RORA: variants seen among roughly 807,000 people sequenced by gnomAD.
The protein encoded by RORA is nuclear receptor ROR-alpha.
RORA carries 7 observed loss-of-function variants against 69.5 expected under a neutral mutation model. The ratio of observed to expected loss-of-function variants is 0.10; its 90% confidence interval spans 0.06 to 0.19. The LOEUF (loss-of-function observed/expected upper bound fraction) is 0.19, where lower values mean the gene tolerates loss of function less well. RORA is among the 10% of genes least tolerant of loss of function. RORA has a pLI of 1.00. For synonymous variants in RORA, 261 were observed against 240.8 expected (o/e 1.08, Z -0.78); for missense variants, 457 against 663.0 (o/e 0.69, Z 3.41).
chr15:60,878,848 T>C (rs954516266), intron 1 of RORA, among the ~76,000 whole-genome samples: 3 of 152,208 alleles, frequency 2.0e-5, no homozygotes, highest in Non-Finnish European at 4.4e-5. Context: ...TCCCTACAGG[T>C]ATCCAGAATT....
chr15:60,581,489 T>C (rs1456874385), intron 2 of RORA, among the ~76,000 whole-genome samples: 1 of 152,238 alleles, frequency 6.6e-6, no homozygotes, highest in Non-Finnish European at 1.5e-5. Flanking sequence ...CATAATCTTG[T>C]GTCTAGGGCA....
At chr15:61,187,137 A>G (rs2079751682) in intron 1 of RORA, among the ~76,000 whole-genome samples, 1 of 152,276 alleles carries the variant, frequency 6.6e-6, no homozygotes, top group South Asian at 2.1e-4. Context: ...GCCAGGTTTA[A>G]GAAGTCCAAC....
intron 1 of RORA, among the ~76,000 whole-genome samples, chr15:60,833,656 T>C (rs1263550835): frequency 6.6e-6 from 1 of 152,214 alleles, no homozygotes; most frequent in Non-Finnish European, 1.5e-5. Flanking sequence ...TACCATGATT[T>C]CATCCTTTTC....
In RORA at chr15:60,960,189, C is replaced by T. The variant is rs150347731; in HGVS notation, c.166+268864G>A. On this transcript the variant is annotated intron_variant, in intron 1 of 10. Coordinates refer to ENST00000335670, the MANE Select transcript of RORA (RefSeq NM_134261.3). ...GACTAGATTGATTTTGTGGTCCCTTCCCACTCCAAAATTACATGATGCCAT... is the reference window on the plus strand; with the variant it reads ...GACTAGATTGATTTTGTGGTCCCTTTCCACTCCAAAATTACATGATGCCAT... Among the ~76,000 whole-genome samples, 1,159 of 152,290 alleles carry T rather than the reference C, an allele frequency of 7.6e-3. 7 individuals are homozygous for T. Among genetic ancestry groups the T allele is most frequent in the Non-Finnish European group, 0.011 (726 of 68,018 alleles).
rs184932550 is a variant in RORA at position 61,128,541 on chromosome 15, A to G, written c.166+100512T>C. On this transcript the variant is annotated intron_variant, in intron 1 of 10. Transcript: ENST00000335670. This position sits in a 1 kb window ranked among gnomAD's most constrained non-coding sequence, Gnocchi z 4.5. Reference sequence around the variant, plus strand: ...GACCTATGACGCTGTTGATTACGTTAGATAACTCAGGGATACGGGGAGAGA... The same window carrying G: ...GACCTATGACGCTGTTGATTACGTTGGATAACTCAGGGATACGGGGAGAGA... Among the ~76,000 whole-genome samples, 1 of 152,314 alleles carries G rather than the reference A, an allele frequency of 6.6e-6. No individual in the cohort carries two copies. Among genetic ancestry groups the G allele is most frequent in the East Asian group, 1.9e-4 (1 of 5,188 alleles).
At chr15:60,637,216 GATT>G (rs2069857279) in intron 2 of RORA, among the ~76,000 whole-genome samples, 1 of 152,030 alleles carries the variant, frequency 6.6e-6, no homozygotes, top group African/African-American at 2.4e-5. Context: ...TGACTGAATT[GATT>G]AATGTCATTT....
intron 2 of RORA, among the ~76,000 whole-genome samples, chr15:60,614,707 C>A (rs1157170255): frequency 2.0e-5 from 3 of 152,136 alleles, no homozygotes; most frequent in African/African-American, 7.2e-5. Context: ...CTCTGCCACC[C>A]ACTAGCCATG....
chr15:60,797,464 A>G (rs1347849178), intron 1 of RORA, among the ~76,000 whole-genome samples: 1 of 152,188 alleles, frequency 6.6e-6, no homozygotes, highest in East Asian at 1.9e-4. Flanking sequence ...AGTCCCAAGA[A>G]GCCACAGGTC....
In RORA at chr15:61,128,426, C is replaced by T. The variant is rs2079161604; in HGVS notation, c.166+100627G>A. On this transcript the variant is annotated intron_variant, in intron 1 of 10. Coordinates refer to ENST00000335670, the MANE Select transcript of RORA (RefSeq NM_134261.3). The surrounding 1 kb of genome is among the most constrained non-coding windows in gnomAD (Gnocchi z 4.5). ...AATGATGCTGTAATTCCAGCAGGCT[C>T]CTGTTTGCAGTTAACCACTTACAGG... 6.6e-6 allele frequency among the ~76,000 whole-genome samples: 1 copy of T among 152,162 alleles called. No individual in the cohort carries two copies. Among genetic ancestry groups the T allele is most frequent in the African/African-American group, 2.4e-5 (1 of 41,424 alleles).
intron 5 of RORA, among the ~76,000 whole-genome samples, chr15:60,509,153 G>C (rs1440495020): frequency 6.6e-6 from 1 of 152,210 alleles, no homozygotes; most frequent in Non-Finnish European, 1.5e-5. Context: ...GGAAATTTAA[G>C]TAGCTTTGGA....
chr15:60,921,333 C>CACT (rs954338420), intron 1 of RORA, among the ~76,000 whole-genome samples: 5 of 152,166 alleles, frequency 3.3e-5, no homozygotes, highest in Non-Finnish European at 7.3e-5. Context: ...TACCGTGGAA[C>CACT]ACTACATAGC....
At chr15:60,848,002 T>G (rs940883382) in intron 1 of RORA, 3 of 152,362 alleles carry the variant, frequency 2.0e-5, no homozygotes, top group South Asian at 4.1e-4. Flanking sequence ...GCTCCTTCTC[T>G]GGCTCCCGCA....
At chr15:60,771,327 T>G (rs921451651) in intron 1 of RORA, among the ~76,000 whole-genome samples, 1 of 152,186 alleles carries the variant, frequency 6.6e-6, no homozygotes, top group African/African-American at 2.4e-5. Flanking sequence ...CTCTTGGTCT[T>G]TTTAGACCAG....
chr15:60,838,071 C>T (rs771604600), intron 1 of RORA, among the ~76,000 whole-genome samples: 9 of 152,130 alleles, frequency 5.9e-5, no homozygotes, highest in Non-Finnish European at 1.0e-4. Flanking sequence ...GCTTCCAAGT[C>T]CTTCTCTGAA....
intron 1 of RORA, among the ~76,000 whole-genome samples, chr15:61,106,614 A>G (rs566239417): frequency 2.5e-4 from 38 of 151,994 alleles, no homozygotes; most frequent in African/African-American, 8.2e-4. Flanking sequence ...CCCTCCTCCC[A>G]TCTATACTTC....
At chr15:60,613,665 A>C (rs1467763844) in intron 2 of RORA, among the ~76,000 whole-genome samples, 1 of 151,476 alleles carries the variant, frequency 6.6e-6, no homozygotes, top group Non-Finnish European at 1.5e-5. Context: ...ATATAAGAGA[A>C]AATAATAATC....
chr15:60,641,706 C>G (rs2069947541), intron 2 of RORA, among the ~76,000 whole-genome samples: 1 of 152,166 alleles, frequency 6.6e-6, no homozygotes, highest in South Asian at 2.1e-4. Context: ...CCACCACGCC[C>G]AGCTTCCTTT....
intron 1 of RORA, among the ~76,000 whole-genome samples, chr15:60,918,056 T>A (rs8023563): frequency 0.68 from 102,913 of 152,118 alleles, 35,729 homozygotes; most frequent in East Asian, 0.88. Context: ...TCTAATCCTT[T>A]CGACAACCCC....
At chr15:60,564,040 T>C (rs534327735) in intron 2 of RORA, among the ~76,000 whole-genome samples, 96 of 152,312 alleles carry the variant, frequency 6.3e-4, no homozygotes, top group Non-Finnish European at 1.1e-3. Flanking sequence ...TTTATTAGGA[T>C]ATGAATTTTA....
Sources: gnomAD v4.1 joint callset for allele counts (sites outside exome capture counted in the v4.1 genomes callset) on GRCh38, gnomAD v4.1.1 for gene constraint, Gnocchi (gnomAD v3.1) non-coding constraint, MANE v1.5 for transcripts, NCBI Gene and HGNC (gene_info 2026-07-23, HGNC 2026-07-21) for gene names.